Variants in CYP51A1 observed in about 807,000 individuals in gnomAD.
The protein encoded by CYP51A1 is lanosterol 14-alpha demethylase.
In CYP51A1, 45 loss-of-function variants were observed where a neutral mutation model predicts 53.5. The ratio of observed to expected loss-of-function variants is 0.84; its 90% CI spans 0.66 to 1.08. The LOEUF (loss-of-function observed/expected upper bound fraction) is 1.08, where lower values mean the gene tolerates loss of function less well. Ranked by LOEUF, CYP51A1 falls within the 50% of genes least tolerant of loss-of-function variation. The probability of loss-of-function intolerance (pLI) is 0.00; values close to 1 mark genes in which losing one functional copy is unlikely to be tolerated. For synonymous variants in CYP51A1, 181 were observed against 217.7 expected, an observed-to-expected ratio of 0.83 and a Z score of 1.48; for missense variants, 462 against 621.7, an observed-to-expected ratio of 0.74 and a Z score of 2.73.
intron 2 of CYP51A1, 55 bp from the exon 3 acceptor site, chr7:92,129,111 C>G: frequency 4.5e-6 from 5 of 1,105,404 alleles, no homozygotes; most frequent in Non-Finnish European, 6.3e-6. Context: ...AACACTACGA[C>G]AGTAACTTTT....
At chr7:92,116,947 A>G (rs1314078934) in intron 9 of CYP51A1, 97 bp downstream of exon 9, 8 of 1,279,988 alleles carry the variant, frequency 6.3e-6, no homozygotes, top group South Asian at 1.6e-5. Context: ...CTATGAGGAA[A>G]GGGAGAGATA....
chr7:92,126,889 T>C (rs1819812432), intron 4 of CYP51A1, among the ~76,000 whole-genome samples: 1 of 152,234 alleles, frequency 6.6e-6, no homozygotes, highest in Non-Finnish European at 1.5e-5. Context: ...CCAATTAGTA[T>C]ATCCCAACAC....
At chr7:92,116,332 A>G (rs958949230) in intron 9 of CYP51A1, among the ~76,000 whole-genome samples, 1 of 152,226 alleles carries the variant, frequency 6.6e-6, no homozygotes, top group Non-Finnish European at 1.5e-5. Context: ...AATTTATTAC[A>G]TAAAGTTAAG....
chr7:92,131,453 A>G (rs1041328168), intron 2 of CYP51A1, among the ~76,000 whole-genome samples: 1 of 152,240 alleles, frequency 6.6e-6, no homozygotes, highest in Non-Finnish European at 1.5e-5. Flanking sequence ...GTAAAGAAAA[A>G]TGAGGGTTAA....
intron 1 of CYP51A1, 27 bp downstream of exon 1, chr7:92,134,146 C>T (rs764445481): frequency 6.2e-7 from 1 of 1,606,888 alleles, no homozygotes; most frequent in Non-Finnish European, 8.5e-7. Context: ...GCGCGCGCCC[C>T]ACTCAGACCC....
rs376280543 is a variant in CYP51A1, at chr7:92,118,140, CTTTTT to C, written c.1182+375_1182+379del. 5.5e-3 allele frequency among the ~76,000 whole-genome samples: 835 copies of C among 151,880 alleles called. 2 individuals are homozygous for C. Among genetic ancestry groups the C allele is most frequent in the African/African-American group, 7.7e-3 (319 of 41,464 alleles). The stretch of plus-strand genomic sequence containing the variant: ...TTTATGCTACTCTACTTCCTCTTTT[CTTTTT>C]CTTTCTTTTTTATTTTTATTTTTTT... On this transcript the variant is annotated intron_variant, in intron 8 of 9. Transcript: ENST00000003100.
At chr7:92,131,411 T>C (rs918330655) in intron 2 of CYP51A1, among the ~76,000 whole-genome samples, 4 of 152,082 alleles carry the variant, frequency 2.6e-5, no homozygotes, top group African/African-American at 4.8e-5. Flanking sequence ...AGAAGATGTA[T>C]AGAGCAGGTT....
At chr7:92,124,526 C>CT (rs1240571001) in intron 5 of CYP51A1, among the ~76,000 whole-genome samples, 1 of 152,138 alleles carries the variant, frequency 6.6e-6, no homozygotes, top group African/African-American at 2.4e-5. Flanking sequence ...GAATTTAAAA[C>CT]TAGGCAGTCT....
At position 92,134,045 on chromosome 7, in the gene CYP51A1, C is replaced by G. The variant is rs536058552; in HGVS notation, c.192+128G>C. On this transcript the variant is annotated intron_variant, in intron 1 of 9. Coordinates refer to ENST00000003100, the MANE Select transcript of CYP51A1 (RefSeq NM_000786.4). The stretch of plus-strand genomic sequence containing the variant: ...CGCCTGCCACCAAAGCCACGCCAAG[C>G]ATGGCCGCAGTCGCCCCCGCCCTTG... 8.9e-4 allele frequency: 771 copies of G among 869,614 alleles called. 3 individuals carry two copies. The highest frequency in any genetic ancestry group is 5.1e-3 in the Middle Eastern group (14 of 2,772). 53.9% of individuals were successfully genotyped at this position (869,614 alleles called of 1,614,324 possible).
chr7:92,132,412 T>C (rs1584639680), intron 1 of CYP51A1, among the ~76,000 whole-genome samples: 1 of 152,220 alleles, frequency 6.6e-6, no homozygotes, highest in Non-Finnish European at 1.5e-5. Flanking sequence ...GTAAAGGCTA[T>C]ATAAACTGTT....
chr7:92,113,938 A>G (rs1267098331), intron 9 of CYP51A1, 95 bp from the exon 10 acceptor site: 1 of 689,394 alleles, frequency 1.5e-6, no homozygotes, highest in Non-Finnish European at 2.4e-6. Flanking sequence ...TGAACAGCAA[A>G]TGTACAGATA....
chr7:92,112,239 A>AAAAG lies in CYP51A1; in HGVS notation c.*1422_*1425dup, dbSNP rs1475289628. ...TTAACATGAGTCTTCCAGTGTTTTA[A>AAAAG]AAAGAACTGTAATATACATAAAGCA... On this transcript the variant is annotated 3_prime_UTR_variant, in exon 10 of 10. Transcript: ENST00000003100. 1 of 152,198 alleles carries AAAAG rather than the reference A, an allele frequency of 6.6e-6. No individual in the cohort carries two copies. The highest frequency in any genetic ancestry group is 1.5e-5 in the Non-Finnish European group (1 of 68,038). The allele number at this position is 152,198 out of a possible 1,614,324, so 9.4% of individuals were successfully genotyped here.
In CYP51A1 at chr7:92,118,560, G is replaced by C; in HGVS notation, c.1142C>G (p.Pro381Arg). The change falls in exon 8 of 10, where the codon CCT (proline) becomes CGT (arginine). Residue 381 changes from proline to arginine, a missense_variant. Pro to Arg is a moderately radical substitution (Grantham distance 103). Transcript: ENST00000003100. ...RCIKETLRLRPPIMIMMRMAR... is the reference protein window; with the variant it reads ...RCIKETLRLRRPIMIMMRMAR... ...CATTCTCATCATGATCATTATAGGA[G>C]GTCTAAGTCTTAATGTTTCTTTTAT... The C allele has an allele frequency of 1.2e-6, 2 of 1,600,638 alleles. No homozygotes were observed.
Position 92,126,348 on chromosome 7 carries a change from G to A in CYP51A1, c.675C>T (p.Leu225=), listed in dbSNP as rs1292983632. ...CATACAGCTGTGCTACCTTTTCATT[G>A]AGTTGACTTCTGATTTCCTTTCCAT... ...CLHGKEIRSQ[L]NEKVAQLYAD... The change falls in exon 5 of 10, where the codon CTC becomes CTT. Residue 225 remains leucine (L), a synonymous_variant. Transcript: ENST00000003100. The A allele has an allele frequency of 1.2e-6, 2 of 1,613,144 alleles. No homozygotes were observed. The highest frequency in any genetic ancestry group is 1.7e-6 in the Non-Finnish European group (2 of 1,179,690).
chr7:92,114,333 A>C (rs1259405731), intron 9 of CYP51A1, among the ~76,000 whole-genome samples: 3 of 152,194 alleles, frequency 2.0e-5, no homozygotes, highest in African/African-American at 7.2e-5. Flanking sequence ...GCATATAAAA[A>C]TGCAAAGGAC....
chr7:92,116,987 C>A lies in CYP51A1; in HGVS notation c.1351+57G>T, dbSNP rs566543740. The A allele has an allele frequency of 4.6e-5, 68 of 1,478,522 alleles. No individual in the cohort carries two copies. The African/African-American group carries it at 8.2e-4, about 18-fold the overall frequency. The allele number at this position is 1,478,522 out of a possible 1,614,324, so 91.6% of individuals were successfully genotyped here. On this transcript the variant is annotated intron_variant, in intron 9 of 9. Coordinates refer to ENST00000003100, the MANE Select transcript of CYP51A1 (RefSeq NM_000786.4). ...GTAAACACAATTCGGAATATTTTGA[C>A]AGAGACAAATATGTTATCAGAACAA... is the stretch of plus-strand genomic sequence containing the variant.
intron 7 of CYP51A1, among the ~76,000 whole-genome samples, chr7:92,119,951 T>C (rs896053862): frequency 4.6e-5 from 7 of 152,022 alleles, no homozygotes; most frequent in African/African-American, 1.5e-4. Flanking sequence ...AACTGAGAAG[T>C]ATGAGAACTG....
In CYP51A1 at chr7:92,123,334, A is replaced by G. The variant is rs371126390; in HGVS notation, c.891-19T>C. On this transcript the variant is annotated intron_variant, in intron 6 of 9. Coordinates refer to ENST00000003100, the MANE Select transcript of CYP51A1 (RefSeq NM_000786.4). ...CCCATCCCTAAGGAATGAACCAAAG[A>G]CACAAATTTAACATTTTGGCAGATA... The G allele has an allele frequency of 5.5e-5, 88 of 1,590,550 alleles. No individual in the cohort carries two copies. In the African/African-American group the frequency reaches 1.1e-3, roughly 21 times the overall value.
At chr7:92,115,902 A>G (rs1302026780) in intron 9 of CYP51A1, among the ~76,000 whole-genome samples, 1 of 152,240 alleles carries the variant, frequency 6.6e-6, no homozygotes, top group Non-Finnish European at 1.5e-5. Flanking sequence ...AAACCAGATA[A>G]TTACTAGTTT....
Sources: gnomAD v4.1 joint callset for allele counts (sites outside exome capture counted in the v4.1 genomes callset) on GRCh38, gnomAD v4.1.1 for gene constraint, MANE v1.5 for transcripts, NCBI Gene and HGNC (gene_info 2026-07-23, HGNC 2026-07-21) for gene names.